PTPRM: variants seen among roughly 807,000 people sequenced by gnomAD.
PTPRM encodes the protein receptor-type tyrosine-protein phosphatase mu.
A neutral mutation model predicts 186.7 loss-of-function variants in PTPRM; 47 were observed. The observed-to-expected ratio is 0.25, with a 90% CI of 0.20 to 0.32. The LOEUF (loss-of-function observed/expected upper bound fraction) is 0.32. Ranked by LOEUF, PTPRM falls within the 10% of genes least tolerant of loss-of-function variation. PTPRM has a pLI of 1.00. For synonymous variants in PTPRM, 668 were observed against 674.9 expected (o/e 0.99, Z 0.16); for missense variants, 1,494 against 1,865.0 (o/e 0.80, Z 3.66).
intron 23 of PTPRM, among the ~76,000 whole-genome samples, chr18:8,354,415 A>G (rs2095552800): frequency 6.6e-6 from 1 of 152,126 alleles, no homozygotes; most frequent in Non-Finnish European, 1.5e-5. Flanking sequence ...GACCCAGATC[A>G]TGAGAACGAA....
At chr18:7,794,998 CA>C (rs1389884866) in intron 2 of PTPRM, among the ~76,000 whole-genome samples, 1 of 152,168 alleles carries the variant, frequency 6.6e-6, no homozygotes, top group Non-Finnish European at 1.5e-5. Flanking sequence ...TCCTGGCTTA[CA>C]AAAGCGAAGC....
At chr18:8,302,606 A>G (rs949233482) in intron 20 of PTPRM, among the ~76,000 whole-genome samples, 4 of 152,272 alleles carry the variant, frequency 2.6e-5, no homozygotes, top group Admixed American at 2.0e-4. Flanking sequence ...TGACACGATG[A>G]TGATGTTGGC....
At chr18:8,127,471 C>CTTT (rs2092400369) in intron 13 of PTPRM, among the ~76,000 whole-genome samples, 1 of 141,604 alleles carries the variant, frequency 7.1e-6, no homozygotes, top group African/African-American at 2.6e-5. Context: ...ATAAAATTCC[C>CTTT]TTGAAGGGTG....
At chr18:7,826,059 C>T (rs16952564) in intron 2 of PTPRM, among the ~76,000 whole-genome samples, 5,631 of 152,156 alleles carry the variant, frequency 0.037, 300 homozygotes, top group African/African-American at 0.11. Flanking sequence ...ATGGCATCCC[C>T]GTCAACCTGA....
intron 13 of PTPRM, among the ~76,000 whole-genome samples, chr18:8,124,614 C>T (rs2092280824): frequency 6.6e-6 from 1 of 152,166 alleles, no homozygotes; most frequent in Non-Finnish European, 1.5e-5. Context: ...TCATACTTAT[C>T]ATTTAGCAAA....
At chr18:7,985,625 G>A (rs921635336) in intron 7 of PTPRM, among the ~76,000 whole-genome samples, 4 of 149,252 alleles carry the variant, frequency 2.7e-5, no homozygotes, top group Admixed American at 6.7e-5. Flanking sequence ...TGGTAGATAC[G>A]TATATAAATA....
intron 20 of PTPRM, among the ~76,000 whole-genome samples, 167 bp from the exon 21 acceptor site, chr18:8,314,614 T>C (rs778655471): frequency 2.0e-5 from 3 of 152,216 alleles, no homozygotes; most frequent in Non-Finnish European, 4.4e-5. Context: ...TCCTTCCCAA[T>C]TTTAATAGCA....
At chr18:7,625,735 A>G (rs148648245) in intron 1 of PTPRM, among the ~76,000 whole-genome samples, 16 of 146,622 alleles carry the variant, frequency 1.1e-4, no homozygotes, top group African/African-American at 3.7e-4. Context: ...GGGTTTTGCC[A>G]TGTTGGCCAG....
intron 1 of PTPRM, 130 bp from the exon 2 acceptor site, chr18:7,774,019 G>A: frequency 1.1e-6 from 1 of 901,576 alleles, no homozygotes; most frequent in Non-Finnish European, 1.7e-6. Flanking sequence ...CAGCTCCTGA[G>A]TGGAAAGACC....
At chr18:7,595,305 A>G (rs948179824) in intron 1 of PTPRM, among the ~76,000 whole-genome samples, 1 of 152,222 alleles carries the variant, frequency 6.6e-6, no homozygotes, top group Non-Finnish European at 1.5e-5. Flanking sequence ...GAAGGTGCCC[A>G]TGAAGTATCA....
chr18:8,324,151 T>C (rs971626690), intron 22 of PTPRM, among the ~76,000 whole-genome samples: 1 of 152,214 alleles, frequency 6.6e-6, no homozygotes, highest in Non-Finnish European at 1.5e-5. Context: ...GTTAACAAAA[T>C]GTCACAGATT....
At chr18:8,362,880 A>G (rs1035732216) in intron 23 of PTPRM, among the ~76,000 whole-genome samples, 2 of 152,254 alleles carry the variant, frequency 1.3e-5, no homozygotes, top group African/African-American at 4.8e-5. Context: ...TCACACAGCT[A>G]ATAAATGGGA....
At chr18:7,999,080 T>C (rs1490887620) in intron 7 of PTPRM, among the ~76,000 whole-genome samples, 3 of 152,202 alleles carry the variant, frequency 2.0e-5, no homozygotes, top group Non-Finnish European at 2.9e-5. Context: ...AGAGCCTATA[T>C]TGGCAGCTCA....
At chr18:8,015,510 T>C (rs533097691) in intron 7 of PTPRM, among the ~76,000 whole-genome samples, 17 of 152,192 alleles carry the variant, frequency 1.1e-4, no homozygotes, top group Non-Finnish European at 2.4e-4. Context: ...TGGATAACAC[T>C]TGGGGACTTG....
At chr18:7,664,508 A>G (rs1475479228) in intron 1 of PTPRM, among the ~76,000 whole-genome samples, 7 of 152,196 alleles carry the variant, frequency 4.6e-5, no homozygotes, top group Admixed American at 4.6e-4. Flanking sequence ...CTGTCTCCCA[A>G]GGCCAGTGGG....
At chr18:8,252,100 A>C (rs2094533260) in intron 17 of PTPRM, among the ~76,000 whole-genome samples, 2 of 152,242 alleles carry the variant, frequency 1.3e-5, no homozygotes, top group African/African-American at 4.8e-5. Context: ...CCTCCATTAA[A>C]ATAGAGCCTC....
intron 23 of PTPRM, among the ~76,000 whole-genome samples, chr18:8,350,798 AG>A (rs1362625131): frequency 6.6e-6 from 1 of 152,206 alleles, no homozygotes; most frequent in African/African-American, 2.4e-5. Flanking sequence ...AGTGCCAGGC[AG>A]ACAAAGTATT....
At chr18:7,642,327 G>A (rs2038462420) in intron 1 of PTPRM, among the ~76,000 whole-genome samples, 1 of 152,148 alleles carries the variant, frequency 6.6e-6, no homozygotes, top group Non-Finnish European at 1.5e-5. Flanking sequence ...CTCTTTTAGG[G>A]ACAAGATGTG....
intron 2 of PTPRM, among the ~76,000 whole-genome samples, chr18:7,865,501 A>G (rs1020328386): frequency 1.3e-5 from 2 of 152,154 alleles, no homozygotes; most frequent in Admixed American, 6.5e-5. Context: ...TGATTTGTGT[A>G]TGTTGAACCA....
Sources: allele counts gnomAD v4.1 joint callset (sites outside exome capture counted in the v4.1 genomes callset), GRCh38; gene constraint gnomAD v4.1.1; transcripts MANE v1.5; gene names NCBI Gene and HGNC (gene_info 2026-07-23, HGNC 2026-07-21).